CNTN5: variants seen among roughly 807,000 people sequenced by gnomAD.
CNTN5 encodes the protein contactin-5.
A neutral mutation model predicts 129.1 loss-of-function variants in CNTN5; 77 were observed. The observed-to-expected ratio is 0.60, with a 90% CI of 0.50 to 0.72. CNTN5 has a LOEUF of 0.72. Ranked by LOEUF, CNTN5 falls within the 30% of genes least tolerant of loss-of-function variation. CNTN5 has a pLI of 0.00. For missense variants in CNTN5, 1,478 were observed against 1,328.8 expected, an observed-to-expected ratio of 1.11 and a Z score of -1.75; for synonymous variants, 509 against 465.6, an observed-to-expected ratio of 1.09 and a Z score of -1.20.
chr11:99,671,100 C>T (rs1307963826), intron 3 of CNTN5, among the ~76,000 whole-genome samples: 1 of 151,390 alleles, frequency 6.6e-6, no homozygotes, highest in East Asian at 1.9e-4. Context: ...TTCTCTCGCT[C>T]GCTCGCTCGC....
chr11:99,747,699 C>G (rs946038743), intron 3 of CNTN5, among the ~76,000 whole-genome samples: 1 of 152,030 alleles, frequency 6.6e-6, no homozygotes, highest in Non-Finnish European at 1.5e-5. Context: ...GGTTCGATCT[C>G]CTGACCTTGT....
intron 8 of CNTN5, among the ~76,000 whole-genome samples, chr11:99,997,119 CTT>C (rs2137444321): frequency 6.6e-6 from 1 of 152,264 alleles, no homozygotes; most frequent in East Asian, 1.9e-4. Flanking sequence ...CTATTTGATT[CTT>C]CTCTCTTTTT....
At chr11:99,684,818 T>C (rs893112241) in intron 3 of CNTN5, among the ~76,000 whole-genome samples, 5 of 151,748 alleles carry the variant, frequency 3.3e-5, no homozygotes, top group Admixed American at 2.0e-4. Context: ...TTTTGGTTCT[T>C]GATATGAATT....
chr11:99,732,973 C>G (rs35753000), intron 3 of CNTN5, among the ~76,000 whole-genome samples: 9 of 152,000 alleles, frequency 5.9e-5, no homozygotes, highest in Admixed American at 4.6e-4. Context: ...GCAGAGGGCT[C>G]TTAGGAATTT....
chr11:100,000,294 A>T (rs1939775827), intron 8 of CNTN5, among the ~76,000 whole-genome samples: 1 of 152,206 alleles, frequency 6.6e-6, no homozygotes, highest in African/African-American at 2.4e-5. Flanking sequence ...GCATTGGGTA[A>T]ATGTTCCCAT....
intron 1 of CNTN5, among the ~76,000 whole-genome samples, chr11:99,170,381 A>T (rs187511130): frequency 2.3e-3 from 354 of 152,294 alleles, no homozygotes; most frequent in Middle Eastern, 6.8e-3. Context: ...GGCTCTTATG[A>T]CAGGTGGGTC....
intron 1 of CNTN5, among the ~76,000 whole-genome samples, chr11:99,095,798 C>A (rs538011094): frequency 2.8e-4 from 42 of 151,814 alleles, no homozygotes; most frequent in Admixed American, 3.3e-4. Flanking sequence ...ATTTTGTGAG[C>A]AGTCAGGAGC....
chr11:99,083,971 C>A (rs546772764), intron 1 of CNTN5, among the ~76,000 whole-genome samples: 1 of 152,260 alleles, frequency 6.6e-6, no homozygotes, highest in African/African-American at 2.4e-5. Flanking sequence ...CATTACTTAA[C>A]TGACATTATT....
chr11:99,534,444 A>G (rs1422625203), intron 2 of CNTN5, among the ~76,000 whole-genome samples: 2 of 152,230 alleles, frequency 1.3e-5, no homozygotes, highest in African/African-American at 2.4e-5. Flanking sequence ...TACGTAGCTC[A>G]TAACATCTGA....
chr11:100,031,302 C>T (rs1342754705), intron 9 of CNTN5, among the ~76,000 whole-genome samples: 4 of 152,140 alleles, frequency 2.6e-5, no homozygotes, highest in Non-Finnish European at 4.4e-5. Flanking sequence ...CCAGGTTGGA[C>T]TGCCAGAATG....
intron 1 of CNTN5, among the ~76,000 whole-genome samples, chr11:99,190,308 A>AT (rs1858571999): frequency 6.6e-6 from 1 of 151,690 alleles, no homozygotes. Flanking sequence ...CTTGTAGTAT[A>AT]TTTTGACATC....
chr11:100,353,682 A>C (rs1374828797), intron 24 of CNTN5, among the ~76,000 whole-genome samples: 1 of 151,588 alleles, frequency 6.6e-6, no homozygotes, highest in African/African-American at 2.4e-5. Flanking sequence ...GCTTCACAAT[A>C]ACCCCATTTT....
At chr11:99,298,477 A>G (rs1007585234) in intron 1 of CNTN5, among the ~76,000 whole-genome samples, 4 of 152,190 alleles carry the variant, frequency 2.6e-5, no homozygotes, top group Non-Finnish European at 5.9e-5. Flanking sequence ...TAACAGGTGC[A>G]TACTATTAAG....
chr11:99,869,080 T>G (rs1948432754), intron 6 of CNTN5, among the ~76,000 whole-genome samples: 1 of 152,194 alleles, frequency 6.6e-6, no homozygotes, highest in Admixed American at 6.5e-5. Context: ...TCTCAAAACT[T>G]AATCTTTTTA....
intron 4 of CNTN5, 93 bp downstream of exon 4, chr11:99,819,858 T>C (rs1395207698): frequency 2.5e-6 from 2 of 814,292 alleles, no homozygotes; most frequent in Non-Finnish European, 2.0e-6. Context: ...ACTATTCCAG[T>C]AGGAGAGAGT....
chr11:99,784,743 C>T (rs982315124), intron 3 of CNTN5, among the ~76,000 whole-genome samples: 1 of 150,792 alleles, frequency 6.6e-6, no homozygotes, highest in Non-Finnish European at 1.5e-5. Flanking sequence ...CTGTTGTTTC[C>T]TGACTTTTTA....
intron 2 of CNTN5, among the ~76,000 whole-genome samples, chr11:99,410,949 A>G (rs1448821038): frequency 6.6e-6 from 1 of 152,188 alleles, no homozygotes; most frequent in Non-Finnish European, 1.5e-5. Flanking sequence ...GTATACAGTA[A>G]TAGAAAGCAA....
intron 2 of CNTN5, among the ~76,000 whole-genome samples, chr11:99,495,556 C>T (rs1194552468): frequency 2.0e-5 from 3 of 152,136 alleles, no homozygotes; most frequent in Non-Finnish European, 4.4e-5. Context: ...AGAGCATCAA[C>T]TCCAATTTTG....
At chr11:99,852,215 G>T (rs2135728526) in intron 6 of CNTN5, among the ~76,000 whole-genome samples, 1 of 152,200 alleles carries the variant, frequency 6.6e-6, no homozygotes, top group Non-Finnish European at 1.5e-5. Flanking sequence ...TTCTTTAAAA[G>T]TATAATTACT....
Sources: allele counts gnomAD v4.1 joint callset (sites outside exome capture counted in the v4.1 genomes callset), GRCh38; gene constraint gnomAD v4.1.1; transcripts MANE v1.5; gene names NCBI Gene and HGNC (gene_info 2026-07-23, HGNC 2026-07-21).